The following SIPA1L2 variants were observed in gnomAD, a reference collection of about 807,000 sequenced individuals.
SIPA1L2 encodes the protein signal induced proliferation associated 1 like 2.
SIPA1L2 carries 56 observed loss-of-function variants against 163.9 expected under a neutral mutation model. That is an observed-to-expected ratio of 0.34 (90% confidence interval 0.28 to 0.43). The LOEUF is 0.43. Ranked by LOEUF, SIPA1L2 falls within the 20% of genes least tolerant of loss-of-function variation. The pLI is 1.00. For synonymous variants in SIPA1L2, 877 were observed against 865.7 expected (o/e 1.01, Z -0.23); for missense variants, 1,974 against 2,193.5 (o/e 0.90, Z 2.00).
chr1:232,626,746 C>T (rs530584185), intron 1 of SIPA1L2, among the ~76,000 whole-genome samples: 1 of 152,150 alleles, frequency 6.6e-6, no homozygotes, highest in Non-Finnish European at 1.5e-5. Flanking sequence ...AAAGAAATGA[C>T]ATAATCATGA....
chr1:232,424,509 A>C (rs1367743434), intron 18 of SIPA1L2, among the ~76,000 whole-genome samples: 1 of 152,174 alleles, frequency 6.6e-6, no homozygotes, highest in Non-Finnish European at 1.5e-5. Flanking sequence ...AGCTTTTAAG[A>C]GGACATTGAA....
chr1:232,460,842 G>A, intron 10 of SIPA1L2, 45 bp downstream of exon 10: 1 of 1,585,322 alleles, frequency 6.3e-7, no homozygotes, highest in South Asian at 1.2e-5. Context: ...ACCTGCTACA[G>A]AGGCAAAGGA....
intron 3 of SIPA1L2, among the ~76,000 whole-genome samples, chr1:232,509,233 T>A (rs771243259): frequency 6.6e-6 from 1 of 152,248 alleles, no homozygotes; most frequent in Non-Finnish European, 1.5e-5. Context: ...TCAGTGATGA[T>A]GTGTCACAGA....
At chr1:232,470,304 G>T (rs1420226964) in intron 8 of SIPA1L2, among the ~76,000 whole-genome samples, 1 of 152,200 alleles carries the variant, frequency 6.6e-6, no homozygotes, top group African/African-American at 2.4e-5. Flanking sequence ...GAGATGACAG[G>T]TGTACTGCAT....
chr1:232,452,515 C>T lies in SIPA1L2; in HGVS notation c.3096-6729G>A, dbSNP rs557299213. ...GGCCCCCAAGATGGCATCCACCCAC[C>T]CAGGCCCATTCCTTTCCAACAACAC... is the stretch of plus-strand genomic sequence containing the variant. On this transcript the variant is annotated intron_variant, in intron 10 of 22. Coordinates refer to ENST00000674635, the MANE Select transcript of SIPA1L2 (RefSeq NM_020808.5). Among the ~76,000 whole-genome samples, 35 of 152,276 alleles carry T rather than the reference C, an allele frequency of 2.3e-4. No individual in the cohort carries two copies. The East Asian group carries it at 6.8e-3, about 29-fold the overall frequency.
At chr1:232,481,888 G>A (rs1665376874) in intron 6 of SIPA1L2, among the ~76,000 whole-genome samples, 1 of 152,200 alleles carries the variant, frequency 6.6e-6, no homozygotes, top group Admixed American at 6.5e-5. Context: ...CTGAGGCCCA[G>A]ATTTGACCTA....
At position 232,462,793 on chromosome 1, in the gene SIPA1L2, G is replaced by A. The variant is rs144146637; in HGVS notation, c.2821-1632C>T. 8.5e-3 allele frequency among the ~76,000 whole-genome samples: 1,287 copies of A among 152,250 alleles called. 8 individuals are homozygous for A. The highest frequency in any genetic ancestry group is 0.013 in the Admixed American group (199 of 15,294). ...GGTGAAGTTTATCATCCATGTATCAGGCTGAAGAGTTATTGGCTGAGCCTT... is the reference window on the plus strand; with the variant it reads ...GGTGAAGTTTATCATCCATGTATCAAGCTGAAGAGTTATTGGCTGAGCCTT... On this transcript the variant is annotated intron_variant, in intron 9 of 22. Transcript: ENST00000674635.
At chr1:232,533,936 G>A (rs1326293) in intron 2 of SIPA1L2, among the ~76,000 whole-genome samples, 5 of 151,882 alleles carry the variant, frequency 3.3e-5, no homozygotes, top group Non-Finnish European at 5.9e-5. Context: ...AATTGAAAAC[G>A]TAATACTTTT....
intron 1 of SIPA1L2, among the ~76,000 whole-genome samples, chr1:232,625,517 C>A (rs939765046): frequency 6.6e-6 from 1 of 152,196 alleles, no homozygotes; most frequent in Non-Finnish European, 1.5e-5. Flanking sequence ...ATGTGATTAA[C>A]GGCTCGGCAG....
At chr1:232,540,785 A>G (rs1657610893) in intron 2 of SIPA1L2, among the ~76,000 whole-genome samples, 1 of 152,242 alleles carries the variant, frequency 6.6e-6, no homozygotes, top group South Asian at 2.1e-4. Context: ...GATAAAATTT[A>G]AAATTTGACC....
rs138628598 is a variant in SIPA1L2, at chr1:232,573,170, T to C, written c.-270+1004A>G. ...AAGACAAAGGCTATGGAAATAATGA[T>C]TGATCAAGGGACACAGCAACTAAAT... On this transcript the variant is annotated intron_variant, in intron 2 of 22. Transcript: ENST00000674635. 4.8e-3 allele frequency among the ~76,000 whole-genome samples: 725 copies of C among 152,180 alleles called. 3 individuals carry two copies. Among genetic ancestry groups the C allele is most frequent in the Non-Finnish European group, 6.2e-3 (420 of 68,016 alleles).
chr1:232,417,502 G>A (rs1047770339), intron 18 of SIPA1L2, among the ~76,000 whole-genome samples: 2 of 152,126 alleles, frequency 1.3e-5, no homozygotes, highest in South Asian at 2.1e-4. Context: ...AACCAGCAGA[G>A]GAGGGAAGCA....
chr1:232,593,641 G>C (rs888144641), intron 1 of SIPA1L2, among the ~76,000 whole-genome samples: 1 of 152,102 alleles, frequency 6.6e-6, no homozygotes, highest in Admixed American at 6.5e-5. Context: ...ATGTCACTAA[G>C]TATCTTAGAA....
chr1:232,555,086 T>A (rs1658621548), intron 2 of SIPA1L2, among the ~76,000 whole-genome samples: 2 of 152,210 alleles, frequency 1.3e-5, no homozygotes, highest in Admixed American at 6.5e-5. Context: ...TACAAACATG[T>A]GAAAAACTTC....
intron 3 of SIPA1L2, among the ~76,000 whole-genome samples, chr1:232,512,119 A>G (rs1667008077): frequency 6.6e-6 from 1 of 152,250 alleles, no homozygotes; most frequent in South Asian, 2.1e-4. Flanking sequence ...AACATATGAA[A>G]AAAGCTCATC....
chr1:232,455,673 C>T (rs567886012), intron 10 of SIPA1L2, among the ~76,000 whole-genome samples: 1 of 144,354 alleles, frequency 6.9e-6, no homozygotes, highest in East Asian at 2.1e-4. Flanking sequence ...CGAGATCGCG[C>T]CACTGCACTC....
chr1:232,585,500 G>A (rs1290859395), intron 1 of SIPA1L2, among the ~76,000 whole-genome samples: 1 of 152,152 alleles, frequency 6.6e-6, no homozygotes, highest in Non-Finnish European at 1.5e-5. Context: ...AATGGAAACT[G>A]ATCCAAAGAG....
intron 19 of SIPA1L2, among the ~76,000 whole-genome samples, chr1:232,407,635 G>A (rs1005787380): frequency 6.6e-6 from 1 of 152,118 alleles, no homozygotes. Flanking sequence ...GCACACACAC[G>A]TCCATGCTCC....
chr1:232,525,030 C>A (rs1667627452), intron 2 of SIPA1L2, among the ~76,000 whole-genome samples: 2 of 152,140 alleles, frequency 1.3e-5, no homozygotes, highest in South Asian at 4.1e-4. Flanking sequence ...ATATAATATT[C>A]TTCCTTGTAT....
Sources: gnomAD v4.1 joint callset for allele counts (sites outside exome capture counted in the v4.1 genomes callset) on GRCh38, gnomAD v4.1.1 for gene constraint, MANE v1.5 for transcripts, NCBI Gene and HGNC (gene_info 2026-07-23, HGNC 2026-07-21) for gene names.